BMAL1: variants seen among roughly 807,000 people sequenced by gnomAD.
The protein encoded by BMAL1 is basic helix-loop-helix ARNT-like protein 1.
chr11:13,385,624 A>C, the BMAL1 span: 2 of 1,256,446 alleles, frequency 1.6e-6, no homozygotes, highest in Non-Finnish European at 2.3e-6. Context: ...CCCATGCTTC[A>C]TTTTCCTTTT....
At chr11:13,303,257 A>C in the BMAL1 span, among the ~76,000 whole-genome samples, 5 of 148,014 alleles carry the variant, frequency 3.4e-5, no homozygotes, top group Non-Finnish European at 6.0e-5. Context: ...GCAACAAATG[A>C]TTGTCTGCAA....
chr11:13,340,853 A>G, the BMAL1 span, among the ~76,000 whole-genome samples: 1 of 152,166 alleles, frequency 6.6e-6, no homozygotes, highest in African/African-American at 2.4e-5. Context: ...AGTGGACGCC[A>G]CTGAGCATGC....
At chr11:13,359,436 A>T in the BMAL1 span, among the ~76,000 whole-genome samples, 1 of 152,246 alleles carries the variant, frequency 6.6e-6, no homozygotes, top group Admixed American at 6.5e-5. Context: ...TAAATGTTGT[A>T]TCCTGTGCTG....
chr11:13,284,403 CT>C, the BMAL1 span, among the ~76,000 whole-genome samples: 184 of 143,174 alleles, frequency 1.3e-3, no homozygotes, highest in African/African-American at 2.7e-3. Flanking sequence ...TTAGATACCA[CT>C]TTTTTTTTTT....
At chr11:13,354,706 C>T in the BMAL1 span, 1 of 440,784 alleles carries the variant, frequency 2.3e-6, no homozygotes, top group South Asian at 2.6e-5. Context: ...AAAGAACAGC[C>T]TTAAGGCCAA....
the BMAL1 span, among the ~76,000 whole-genome samples, chr11:13,338,903 G>A: frequency 3.9e-5 from 6 of 152,226 alleles, no homozygotes; most frequent in Non-Finnish European, 5.9e-5. Flanking sequence ...TGTGGGGGTG[G>A]CAGGTGACTG....
chr11:13,291,125 C>T, the BMAL1 span, among the ~76,000 whole-genome samples: 1 of 152,294 alleles, frequency 6.6e-6, no homozygotes, highest in East Asian at 1.9e-4. Flanking sequence ...TAACTGGTAG[C>T]TTGTAGTCTA....
the BMAL1 span, among the ~76,000 whole-genome samples, chr11:13,364,376 C>G: frequency 6.6e-6 from 1 of 152,188 alleles, no homozygotes; most frequent in Non-Finnish European, 1.5e-5. Flanking sequence ...CAAGTACATG[C>G]ACCATTCTTT....
At chr11:13,287,841 A>G in the BMAL1 span, among the ~76,000 whole-genome samples, 1 of 152,236 alleles carries the variant, frequency 6.6e-6, no homozygotes, top group African/African-American at 2.4e-5. Flanking sequence ...ATTTAGGCAT[A>G]GTACTACACA....
chr11:13,386,693 C>T, the BMAL1 span: 2 of 1,614,190 alleles, frequency 1.2e-6, no homozygotes, highest in Non-Finnish European at 1.7e-6. Context: ...TCATGAGCCT[C>T]TTGGAAGCAG....
the BMAL1 span, among the ~76,000 whole-genome samples, chr11:13,290,559 A>ATGT: frequency 0.11 from 16,920 of 148,956 alleles, 1,166 homozygotes; most frequent in East Asian, 0.25. Context: ...ACAAGTGTAT[A>ATGT]TATTATTATT....
At chr11:13,357,683 G>A in the BMAL1 span, among the ~76,000 whole-genome samples, 1 of 152,228 alleles carries the variant, frequency 6.6e-6, no homozygotes, top group Non-Finnish European at 1.5e-5. This position sits in a 1 kb window ranked among gnomAD's most constrained non-coding sequence, Gnocchi z 4.8. Flanking sequence ...CTGCCCTAAG[G>A]CTTCAAGCTC....
At chr11:13,278,649 G>A in the BMAL1 span, among the ~76,000 whole-genome samples, 1 of 152,186 alleles carries the variant, frequency 6.6e-6, no homozygotes, top group African/African-American at 2.4e-5. Context: ...GTGCCGTCCA[G>A]GTCCTGGGCG....
At chr11:13,296,443 A>G in the BMAL1 span, among the ~76,000 whole-genome samples, 9 of 152,180 alleles carry the variant, frequency 5.9e-5, no homozygotes. Context: ...TAAGTCATTC[A>G]TGCTGTGCTT....
At chr11:13,309,329 C>A in the BMAL1 span, among the ~76,000 whole-genome samples, 1 of 152,034 alleles carries the variant, frequency 6.6e-6, no homozygotes. Context: ...AGACTGCAGC[C>A]GGGCCAGTTG....
At chr11:13,340,849 C>T in the BMAL1 span, among the ~76,000 whole-genome samples, 2 of 152,180 alleles carry the variant, frequency 1.3e-5, no homozygotes, top group African/African-American at 2.4e-5. Context: ...CCATAGTGGA[C>T]GCCACTGAGC....
chr11:13,327,893 T>TCCACTCAGGGATCCCAGTTAACAATTTC, the BMAL1 span, among the ~76,000 whole-genome samples: 4 of 151,968 alleles, frequency 2.6e-5, no homozygotes, highest in African/African-American at 9.7e-5. Context: ...TTCCCTGAAG[T>TCCACTCAGGGATCCCAGTTAACAATTTC]TGATCTGGAA....
At chr11:13,384,353 C>T in the BMAL1 span, among the ~76,000 whole-genome samples, 2 of 152,130 alleles carry the variant, frequency 1.3e-5, no homozygotes, top group Admixed American at 1.3e-4. Flanking sequence ...AGAAGATCTG[C>T]ATAACTCAGT....
At chr11:13,298,959 G>A in the BMAL1 span, among the ~76,000 whole-genome samples, 4 of 152,206 alleles carry the variant, frequency 2.6e-5, no homozygotes, top group African/African-American at 9.6e-5. Context: ...AGACTGGCCT[G>A]TTCAGATTTG....
Sources: allele counts gnomAD v4.1 joint callset (sites outside exome capture counted in the v4.1 genomes callset), GRCh38; gene constraint gnomAD v4.1.1; non-coding constraint Gnocchi (gnomAD v3.1); transcripts MANE v1.5; gene names NCBI Gene and HGNC (gene_info 2026-07-23, HGNC 2026-07-21).